MN1: variants seen among roughly 807,000 people sequenced by gnomAD.
MN1 encodes MN1 proto-oncogene, transcriptional regulator, also known as transcriptional activator MN1.
MN1 carries 19 observed loss-of-function variants against 86.9 expected under a neutral mutation model. That is an observed-to-expected ratio of 0.22 (90% CI 0.15 to 0.32). MN1 has a LOEUF of 0.32. MN1 is among the 10% of genes least tolerant of loss of function. MN1 has a pLI of 1.00. For synonymous variants in MN1, 928 were observed against 849.6 expected, an observed-to-expected ratio of 1.09 and a Z score of -1.60; for missense variants, 1,841 against 1,862.0, an observed-to-expected ratio of 0.99 and a Z score of 0.21.
At chr22:27,775,437 A>G (rs1157985039) in intron 1 of MN1, among the ~76,000 whole-genome samples, 2 of 152,164 alleles carry the variant, frequency 1.3e-5, no homozygotes, top group African/African-American at 2.4e-5. Context: ...AACTCAGCAC[A>G]TCACCACCCC....
chr22:27,765,675 T>TG (rs1311398409), intron 1 of MN1, among the ~76,000 whole-genome samples: 1 of 151,888 alleles, frequency 6.6e-6, no homozygotes, highest in East Asian at 1.9e-4. Flanking sequence ...TGGACAGTAG[T>TG]GGGGGGAGCA....
chr22:27,788,222 C>A (rs530930402), intron 1 of MN1, among the ~76,000 whole-genome samples: 1 of 152,162 alleles, frequency 6.6e-6, no homozygotes, highest in East Asian at 1.9e-4. Flanking sequence ...TGAGAAAATA[C>A]GCCGCACCCC....
Position 27,800,299 on chromosome 22 carries a change from C to A in MN1, c.245G>T (p.Gly82Val). 6.3e-7 allele frequency: 1 copy of A among 1,576,068 alleles called. No individual in the cohort carries two copies. Among genetic ancestry groups the A allele is most frequent in the South Asian group, 1.2e-5 (1 of 84,618 alleles). ...ARGHSELHAG[G>V]LQAQPVHGFF... Reference sequence around the variant, plus strand: ...GCCGTGCACAGGCTGCGCTTGCAGCCCCCCTGCGTGCAACTCCGAGTGGCC... The same window carrying A: ...GCCGTGCACAGGCTGCGCTTGCAGCACCCCTGCGTGCAACTCCGAGTGGCC... Residue 82 changes from glycine (G) to valine (V), a missense_variant, in exon 1 of 2, where the codon GGG (glycine) becomes GTG (valine). By Grantham distance (109) the Gly-to-Val change is moderately radical. Coordinates refer to ENST00000302326, the MANE Select transcript of MN1 (RefSeq NM_002430.3).
Position 27,769,552 on chromosome 22 carries a change from A to ATTTTTTTTTTTTTTTTTTTTT in MN1, c.3782-18457_3782-18456insAAAAAAAAAAAAAAAAAAAAA, listed in dbSNP as rs58248602. Among the ~76,000 whole-genome samples, 19 of 83,282 alleles carry ATTTTTTTTTTTTTTTTTTTTT rather than the reference A, an allele frequency of 2.3e-4. 3 individuals are homozygous for ATTTTTTTTTTTTTTTTTTTTT. Among genetic ancestry groups the ATTTTTTTTTTTTTTTTTTTTT allele is most frequent in the African/African-American group, 8.9e-4 (18 of 20,266 alleles). 54.6% of individuals were successfully genotyped at this position (83,282 alleles called of 152,430 possible). On this transcript the variant is annotated intron_variant, in intron 1 of 1. Transcript: ENST00000302326. ...CGAAGCAATAATATCAAGGATGCCAATTTTTTTTTTTTTTTTTTGAGACAG... is the reference window on the plus strand; with the variant it reads ...CGAAGCAATAATATCAAGGATGCCAATTTTTTTTTTTTTTTTTTTTTTTTTTTTTTTTTTTTTTTGAGACAG...
At chr22:27,768,791 G>A (rs921494556) in intron 1 of MN1, among the ~76,000 whole-genome samples, 17 of 152,142 alleles carry the variant, frequency 1.1e-4, no homozygotes, top group Admixed American at 7.2e-4. Context: ...GGGCCACACA[G>A]TGTGACTCTG....
At position 27,800,218 on chromosome 22, in the gene MN1, T is replaced by G; in HGVS notation, c.326A>C (p.Gln109Pro). ...HGHPGSHHPH[Q>P]HHPHFGGNFG... Reference sequence around the variant, plus strand: ...GTTGCCCCCAAAGTGGGGGTGATGCTGGTGGGGATGATGACTTCCCGGGTG... The same window carrying G: ...GTTGCCCCCAAAGTGGGGGTGATGCGGGTGGGGATGATGACTTCCCGGGTG... The change falls in exon 1 of 2, where the codon CAG (glutamine) becomes CCG (proline). Residue 109 changes from glutamine (Q) to proline (P), a missense_variant. By Grantham distance (76) the Gln-to-Pro change is moderately conservative. Transcript: ENST00000302326. 1.9e-6 allele frequency: 3 copies of G among 1,578,952 alleles called. No homozygotes were observed. The highest frequency in any genetic ancestry group is 2.6e-6 in the Non-Finnish European group (3 of 1,163,604).
rs1933406646 is a variant in MN1 at position 27,800,197 on chromosome 22, C to T, written c.347G>A (p.Gly116Asp). ...HPHQHHPHFG[G>D]NFGGPDPGAS... is the part of the protein sequence containing the mutation. ...CCCGGGGTCCGGGCCACCGAAGTTG[C>T]CCCCAAAGTGGGGGTGATGCTGGTG... is the stretch of plus-strand genomic sequence containing the variant. The change falls in exon 1 of 2, where the codon GGC becomes GAC. Residue 116 changes from glycine to aspartate, a missense_variant. Transcript: ENST00000302326. 2 of 1,555,756 alleles carry T rather than the reference C, an allele frequency of 1.3e-6. No homozygotes were observed. Among genetic ancestry groups the T allele is most frequent in the South Asian group, 1.2e-5 (1 of 81,406 alleles).
Position 27,799,370 on chromosome 22 carries a change from C to A in MN1, c.1174G>T (p.Gly392Cys). 1 of 1,549,896 alleles carries A rather than the reference C, an allele frequency of 6.5e-7. No homozygotes were observed. The highest frequency in any genetic ancestry group is 1.2e-5 in the South Asian group (1 of 83,328). Reference protein sequence around the residue: ...QQGEAGTPSGGLQDGGPMLPS... With the variant: ...QQGEAGTPSGCLQDGGPMLPS... ...AGCATGGGGCCTCCGTCCTGCAGGCCGCCGCTGGGCGTGCCCGCCTCGCCC... is the reference window on the plus strand; with the variant it reads ...AGCATGGGGCCTCCGTCCTGCAGGCAGCCGCTGGGCGTGCCCGCCTCGCCC... The change falls in exon 1 of 2, where the codon GGC (glycine) becomes TGC (cysteine). Residue 392 changes from glycine to cysteine, a missense_variant. Transcript: ENST00000302326.
intron 1 of MN1, among the ~76,000 whole-genome samples, chr22:27,786,955 A>T (rs557312320): frequency 6.6e-6 from 1 of 152,368 alleles, no homozygotes; most frequent in East Asian, 1.9e-4. Flanking sequence ...ATGTACAAGT[A>T]AATTAATCAT....
intron 1 of MN1, among the ~76,000 whole-genome samples, chr22:27,786,504 T>C (rs1933135273): frequency 6.7e-6 from 1 of 150,334 alleles, no homozygotes; most frequent in Non-Finnish European, 1.5e-5. Flanking sequence ...GCATAAAAGG[T>C]ACTGCAAAGA....
intron 1 of MN1, among the ~76,000 whole-genome samples, chr22:27,781,251 A>ATAGG (rs1470643997): frequency 6.6e-6 from 1 of 152,102 alleles, no homozygotes; most frequent in Admixed American, 6.5e-5. Context: ...TTTTGAACCT[A>ATAGG]ACCTCAATCA....
At chr22:27,779,164 G>C (rs182852549) in intron 1 of MN1, among the ~76,000 whole-genome samples, 5 of 152,180 alleles carry the variant, frequency 3.3e-5, no homozygotes, top group Admixed American at 2.6e-4. Context: ...CTCTGGATGG[G>C]GTCCTCACCC....
intron 1 of MN1, among the ~76,000 whole-genome samples, chr22:27,767,911 G>A (rs1309554470): frequency 1.3e-5 from 2 of 152,048 alleles, no homozygotes; most frequent in South Asian, 2.1e-4. Flanking sequence ...TTACTTCATC[G>A]GGTCCTCCCT....
chr22:27,800,215 T>C lies in MN1; in HGVS notation c.329A>G (p.His110Arg), dbSNP rs762940355. 1 of 1,577,064 alleles carries C rather than the reference T, an allele frequency of 6.3e-7. No homozygotes were observed. Among genetic ancestry groups the C allele is most frequent in the Non-Finnish European group, 8.6e-7 (1 of 1,162,850 alleles). The change falls in exon 1 of 2, where the codon CAT (histidine) becomes CGT (arginine). Residue 110 changes from histidine (H) to arginine (R), a missense_variant. His to Arg is a conservative substitution (Grantham distance 29). Coordinates refer to ENST00000302326, the MANE Select transcript of MN1 (RefSeq NM_002430.3). Reference protein sequence around the residue: ...GHPGSHHPHQHHPHFGGNFGG... With the variant: ...GHPGSHHPHQRHPHFGGNFGG... ...GAAGTTGCCCCCAAAGTGGGGGTGATGCTGGTGGGGATGATGACTTCCCGG... is the reference window on the plus strand; with the variant it reads ...GAAGTTGCCCCCAAAGTGGGGGTGACGCTGGTGGGGATGATGACTTCCCGG...
In MN1 at chr22:27,796,926, C is replaced by A. The variant is rs1374486593; in HGVS notation, c.3618G>T (p.Ala1206=). ...DSELGSCCSE[A]VKSAMSTIDL... is the part of the protein sequence containing the mutation. ...CAATGGTGCTCATGGCGCTCTTGAC[C>A]GCCTCGGAGCAGCAGCTGCCCAGCT... The change falls in exon 1 of 2, where the codon GCG becomes GCT. Residue 1206 remains alanine, a synonymous_variant. Transcript: ENST00000302326. 6.2e-7 allele frequency: 1 copy of A among 1,612,590 alleles called. No individual in the cohort carries two copies. Among genetic ancestry groups the A allele is most frequent in the African/African-American group, 1.3e-5 (1 of 74,934 alleles).
At chr22:27,770,524 C>G (rs1233727323) in intron 1 of MN1, among the ~76,000 whole-genome samples, 1 of 152,196 alleles carries the variant, frequency 6.6e-6, no homozygotes, top group African/African-American at 2.4e-5. Flanking sequence ...CTCTCTGGGC[C>G]TCAGTCTCCC....
rs979022664 is a variant in MN1, at chr22:27,755,592, C to G, written c.3782-4496G>C. ...CTCCCAAAAGCACTCCTCAGCTTTT[C>G]TTCATGGCACAAATCCTCGCTGATC... On this transcript the variant is annotated intron_variant, in intron 1 of 1. Transcript: ENST00000302326. 2.0e-5 allele frequency among the ~76,000 whole-genome samples: 3 copies of G among 152,250 alleles called. No homozygotes were observed. The East Asian group carries it at 5.8e-4, about 29-fold the overall frequency.
Position 27,796,993 on chromosome 22 carries a change from TCACCCTTCTTGC to T in MN1, c.3539_3550del (p.Gly1180_Gly1183del). 6.2e-7 allele frequency: 1 copy of T among 1,612,602 alleles called. No individual in the cohort carries two copies. Among genetic ancestry groups the T allele is most frequent in the South Asian group, 1.1e-5 (1 of 90,986 alleles). On this transcript the variant is annotated inframe_deletion, in exon 1 of 2. Transcript: ENST00000302326. ...CGCCCCTGAGGCCCCGACGGCGCAC[TCACCCTTCTTGC>T]CACCCTTCAGCCCCAGAGGCTGGTC... is the stretch of plus-strand genomic sequence containing the variant.
intron 1 of MN1, among the ~76,000 whole-genome samples, chr22:27,795,063 A>AG (rs952807603): frequency 2.2e-5 from 3 of 138,210 alleles, no homozygotes; most frequent in Non-Finnish European, 4.7e-5. Flanking sequence ...GATTTTAAAA[A>AG]GGGGGGGAAA....
Sources: allele counts gnomAD v4.1 joint callset (sites outside exome capture counted in the v4.1 genomes callset), GRCh38; gene constraint gnomAD v4.1.1; transcripts MANE v1.5; gene names NCBI Gene and HGNC (gene_info 2026-07-23, HGNC 2026-07-21).